The following PKIB variants were observed in gnomAD, a reference collection of about 807,000 sequenced individuals.
The protein encoded by PKIB is PKI-beta.
PKIB carries 2 observed loss-of-function variants against 4.5 expected under a neutral mutation model. That is an observed-to-expected ratio of 0.44 (90% CI 0.18 to 1.39). PKIB has a LOEUF of 1.39. Ranked by LOEUF, PKIB falls within the 40% of genes most tolerant of loss-of-function variation. The probability of loss-of-function intolerance (pLI) is 0.27; values close to 1 mark genes in which losing one functional copy is unlikely to be tolerated. For synonymous variants in PKIB, 38 were observed against 36.0 expected, an observed-to-expected ratio of 1.06 and a Z score of -0.20; for missense variants, 94 against 92.6, an observed-to-expected ratio of 1.02 and a Z score of -0.06.
intron 1 of PKIB, among the ~76,000 whole-genome samples, chr6:122,612,462 A>C (rs1774800823): frequency 1.3e-5 from 2 of 151,914 alleles, no homozygotes; most frequent in South Asian, 4.2e-4. Context: ...CTTTGTTCCC[A>C]CTCCCATTCC....
intron 3 of PKIB, among the ~76,000 whole-genome samples, chr6:122,594,802 G>A (rs114408476): frequency 7.3e-4 from 111 of 152,154 alleles, no homozygotes; most frequent in African/African-American, 2.6e-3. Flanking sequence ...TTAATAGCAG[G>A]GCATGGTAAT....
At chr6:122,591,210 A>G (rs1774010457) in intron 3 of PKIB, among the ~76,000 whole-genome samples, 2 of 148,576 alleles carry the variant, frequency 1.3e-5, no homozygotes, top group African/African-American at 2.5e-5. Flanking sequence ...ACACACACAC[A>G]CACACACACC....
At chr6:122,552,053 C>G (rs1432765893) in intron 2 of PKIB, among the ~76,000 whole-genome samples, 24 of 151,980 alleles carry the variant, frequency 1.6e-4, no homozygotes, top group Admixed American at 1.6e-3. Context: ...CTTCTCAGTT[C>G]TAAATTTACC....
In PKIB at chr6:122,576,689, A is replaced by AAAAAATATATATAT. The variant is rs1345822382; in HGVS notation, c.-247-9231_-247-9230insAAAATATATATATA. ...ATCTCAAAAAAAAAAAAAAAAAAAA[A>AAAAAATATATATAT]ATATATATATATATATATATATTTT... On this transcript the variant is annotated intron_variant, in intron 2 of 6. Transcript: ENST00000392491. Among the ~76,000 whole-genome samples, 137 of 34,278 alleles carry AAAAAATATATATAT rather than the reference A, an allele frequency of 4.0e-3. 2 individuals are homozygous for AAAAAATATATATAT. Among genetic ancestry groups the AAAAAATATATATAT allele is most frequent in the Non-Finnish European group, 5.3e-3 (114 of 21,434 alleles). The allele number at this position is 34,278 out of a possible 152,430, so 22.5% of individuals were successfully genotyped here.
intron 3 of PKIB, among the ~76,000 whole-genome samples, chr6:122,695,431 AAG>A (rs200704533): frequency 0.48 from 72,567 of 151,470 alleles, 18,130 homozygotes; most frequent in Non-Finnish European, 0.56. Flanking sequence ...AACAAAAAAT[AAG>A]TTTTTTCAAA....
chr6:122,696,447 T>A (rs1351131245), intron 3 of PKIB, among the ~76,000 whole-genome samples: 1 of 152,112 alleles, frequency 6.6e-6, no homozygotes, highest in Non-Finnish European at 1.5e-5. Context: ...CTAAGGAACA[T>A]CCAAATGTAA....
intron 2 of PKIB, among the ~76,000 whole-genome samples, chr6:122,659,196 T>C (rs1050341388): frequency 6.6e-6 from 1 of 152,196 alleles, no homozygotes; most frequent in African/African-American, 2.4e-5. Context: ...TCATTTAGTC[T>C]GTAATTGACT....
At chr6:122,500,834 T>A (rs1273644017) in intron 2 of PKIB, among the ~76,000 whole-genome samples, 1 of 152,140 alleles carries the variant, frequency 6.6e-6, no homozygotes, top group Non-Finnish European at 1.5e-5. Context: ...AAATTTGCAA[T>A]CATGGCAGAA....
intron 1 of PKIB, among the ~76,000 whole-genome samples, chr6:122,619,745 A>G (rs190688613): frequency 2.6e-3 from 394 of 152,192 alleles, no homozygotes; most frequent in African/African-American, 9.1e-3. Context: ...TAATTTTCAA[A>G]TGCTTCAAAG....
intron 3 of PKIB, among the ~76,000 whole-genome samples, chr6:122,716,276 G>A (rs189942119): frequency 3.9e-5 from 6 of 152,194 alleles, no homozygotes; most frequent in Admixed American, 6.5e-5. Flanking sequence ...TGCTATGCCC[G>A]TTATATAGGG....
At chr6:122,478,075 C>CT (rs1390442186) in intron 2 of PKIB, 8 of 152,034 alleles carry the variant, frequency 5.3e-5, no homozygotes, top group African/African-American at 1.9e-4. Context: ...GTCATTTGTT[C>CT]TATTATTTTT....
intron 3 of PKIB, among the ~76,000 whole-genome samples, chr6:122,715,502 T>G (rs1364399875): frequency 1.3e-5 from 2 of 151,844 alleles, no homozygotes; most frequent in Admixed American, 6.6e-5. Context: ...TAACTGAAAT[T>G]AATGTACCAT....
At chr6:122,713,833 C>T (rs564625887) in intron 3 of PKIB, among the ~76,000 whole-genome samples, 4 of 152,130 alleles carry the variant, frequency 2.6e-5, no homozygotes, top group African/African-American at 9.6e-5. Flanking sequence ...CTTCCGTTCC[C>T]AACTAGAATT....
At position 122,560,105 on chromosome 6, in the gene PKIB, T is replaced by A. The variant is rs889548136; in HGVS notation, c.-247-25816T>A. ...TGAAGAGGAGTGGCGAGACTGGGCA[T>A]CCTTGTCTTGTTCCAGTTCTCAGAG... On this transcript the variant is annotated intron_variant, in intron 2 of 6. Coordinates refer to the PKIB transcript ENST00000392491. Among the ~76,000 whole-genome samples the A allele has an allele frequency of 2.6e-5, 4 of 152,166 alleles. 1 individual carries two copies. In the South Asian group the frequency reaches 6.2e-4, roughly 24 times the overall value.
intron 3 of PKIB, among the ~76,000 whole-genome samples, chr6:122,604,552 G>A (rs1046471127): frequency 2.6e-5 from 4 of 152,238 alleles, no homozygotes; most frequent in Non-Finnish European, 5.9e-5. Flanking sequence ...AGCAGGATTT[G>A]TGCTGGGAAG....
At chr6:122,508,760 T>G (rs1198471276) in intron 2 of PKIB, among the ~76,000 whole-genome samples, 2 of 152,124 alleles carry the variant, frequency 1.3e-5, no homozygotes, top group African/African-American at 4.8e-5. Context: ...TTAAAATTTT[T>G]TTTTTTTAGA....
At chr6:122,545,501 C>T (rs762292082) in intron 2 of PKIB, among the ~76,000 whole-genome samples, 2 of 151,550 alleles carry the variant, frequency 1.3e-5, no homozygotes, top group African/African-American at 4.9e-5. Flanking sequence ...GGGTAAATTG[C>T]GTGATGCAGG....
At chr6:122,514,635 CTCCTT>C (rs1776690048) in intron 2 of PKIB, among the ~76,000 whole-genome samples, 1 of 152,204 alleles carries the variant, frequency 6.6e-6, no homozygotes, top group African/African-American at 2.4e-5. Context: ...CTTGACCAGT[CTCCTT>C]TCCATAGATA....
intron 1 of PKIB, among the ~76,000 whole-genome samples, chr6:122,632,084 G>A (rs532549060): frequency 6.6e-6 from 1 of 152,328 alleles, no homozygotes; most frequent in Non-Finnish European, 1.5e-5. Flanking sequence ...TGGGTGGAAT[G>A]GAAGAAGCTA....
Sources: allele counts gnomAD v4.1 joint callset (sites outside exome capture counted in the v4.1 genomes callset), GRCh38; gene constraint gnomAD v4.1.1; transcripts MANE v1.5; gene names NCBI Gene and HGNC (gene_info 2026-07-23, HGNC 2026-07-21).